The following SCOC variants were observed in gnomAD, a reference collection of about 807,000 sequenced individuals.
The protein encoded by SCOC is short coiled coil protein.
A neutral mutation model predicts 9.9 loss-of-function variants in SCOC; 7 were observed. The observed-to-expected ratio is 0.71, with a 90% CI of 0.40 to 1.33. The LOEUF (loss-of-function observed/expected upper bound fraction) is 1.33. SCOC is among the 40% of genes most tolerant of loss of function. The pLI is 0.01. For missense variants in SCOC, 66 were observed against 89.7 expected (o/e 0.74, Z 1.07); for synonymous variants, 19 against 28.2 (o/e 0.67, Z 1.03).
At position 140,330,855 on chromosome 4, in the gene SCOC, T is replaced by C. The variant is rs191114289; in HGVS notation, c.-18-12766T>C. Among the ~76,000 whole-genome samples, 10 of 152,348 alleles carry C rather than the reference T, an allele frequency of 6.6e-5. No homozygotes were observed. In the East Asian group the frequency reaches 1.9e-3, roughly 29 times the overall value. Reference sequence around the variant, plus strand: ...AGTTGAGTGCTGGCAGTTCTCTTCATTAATACAAGAATTTAATAGATAAAT... The same window carrying C: ...AGTTGAGTGCTGGCAGTTCTCTTCACTAATACAAGAATTTAATAGATAAAT... On this transcript the variant is annotated intron_variant, in intron 1 of 4. Transcript: ENST00000394205.
intron 1 of SCOC, among the ~76,000 whole-genome samples, chr4:140,280,863 T>C (rs1380543836): frequency 6.6e-6 from 1 of 152,128 alleles, no homozygotes; most frequent in Admixed American, 6.5e-5. Flanking sequence ...ACCCCTCACA[T>C]GGATGTGGAG....
chr4:140,307,053 A>G (rs964928680), intron 1 of SCOC, among the ~76,000 whole-genome samples: 4 of 152,122 alleles, frequency 2.6e-5, no homozygotes, highest in African/African-American at 7.2e-5. Flanking sequence ...CTCTTATACA[A>G]GAGGCCCAAG....
chr4:140,318,163 G>A lies in SCOC; in HGVS notation c.-18-25458G>A, dbSNP rs574583939. On this transcript the variant is annotated intron_variant, in intron 1 of 4. Transcript: ENST00000394205. ...CTAGGCATTACCATTCAGGACATAG[G>A]CGTGGGCAAGGACTTCATGTCCAAA... Among the ~76,000 whole-genome samples, 558 of 149,136 alleles carry A rather than the reference G, an allele frequency of 3.7e-3. 1 individual carries two copies. Among genetic ancestry groups the A allele is most frequent in the Non-Finnish European group, 6.0e-3 (403 of 67,364 alleles).
chr4:140,366,062 G>A (rs1448812800), intron 2 of SCOC, among the ~76,000 whole-genome samples: 1 of 152,134 alleles, frequency 6.6e-6, no homozygotes, highest in Non-Finnish European at 1.5e-5. Flanking sequence ...ATCATAAATG[G>A]TTACCAGGGA....
intron 1 of SCOC, among the ~76,000 whole-genome samples, chr4:140,259,493 T>C (rs1473917580): frequency 6.6e-6 from 1 of 152,202 alleles, no homozygotes; most frequent in Non-Finnish European, 1.5e-5. Flanking sequence ...CATGGTGGCT[T>C]GCACCTGTAA....
chr4:140,304,156 G>A (rs552305505), intron 1 of SCOC, among the ~76,000 whole-genome samples: 24 of 152,286 alleles, frequency 1.6e-4, no homozygotes, highest in Non-Finnish European at 3.4e-4. Flanking sequence ...CAGAAAGAGA[G>A]TGATAGTTCA....
At chr4:140,378,320 G>A (rs559169910) in intron 1 of SCOC, among the ~76,000 whole-genome samples, 27 of 151,874 alleles carry the variant, frequency 1.8e-4, no homozygotes, top group Non-Finnish European at 3.2e-4. Flanking sequence ...CATCCATACC[G>A]TCATCCTTAA....
At chr4:140,379,477 T>C in intron 2 of SCOC, 92 bp from the exon 3 acceptor site, 1 of 919,258 alleles carries the variant, frequency 1.1e-6, no homozygotes, top group Non-Finnish European at 1.7e-6. Context: ...CAAGTAAGAA[T>C]GAATATAAAA....
intron 1 of SCOC, among the ~76,000 whole-genome samples, chr4:140,263,803 G>A (rs539992305): frequency 3.9e-5 from 6 of 152,262 alleles, no homozygotes; most frequent in South Asian, 2.1e-4. Flanking sequence ...ACCGAGCTCC[G>A]AGGACACTTT....
At chr4:140,336,681 A>G (rs1301407285) in intron 1 of SCOC, among the ~76,000 whole-genome samples, 1 of 152,172 alleles carries the variant, frequency 6.6e-6, no homozygotes, top group African/African-American at 2.4e-5. Flanking sequence ...TAATGCTGCT[A>G]TAAATCTTCA....
intron 1 of SCOC, 84 bp from the exon 2 acceptor site, chr4:140,379,037 G>A: frequency 1.2e-6 from 1 of 846,650 alleles, no homozygotes; most frequent in East Asian, 2.4e-5. Flanking sequence ...CTATGTCATA[G>A]TTAACAAAAT....
At chr4:140,284,668 T>C (rs1731178402) in intron 1 of SCOC, 1 of 151,354 alleles carries the variant, frequency 6.6e-6, no homozygotes, top group African/African-American at 2.4e-5. Context: ...GGGAAGAACT[T>C]AGATCAGATG....
At chr4:140,377,173 C>G (rs1427156628) in intron 1 of SCOC, among the ~76,000 whole-genome samples, 1 of 152,208 alleles carries the variant, frequency 6.6e-6, no homozygotes, top group Non-Finnish European at 1.5e-5. Flanking sequence ...AAGAGAATGA[C>G]TGTAGTACCT....
intron 1 of SCOC, among the ~76,000 whole-genome samples, chr4:140,290,655 A>G (rs1161980213): frequency 6.6e-6 from 1 of 152,210 alleles, no homozygotes; most frequent in African/African-American, 2.4e-5. Context: ...TCTACTAAAA[A>G]TACAAAAATT....
intron 1 of SCOC, chr4:140,284,772 A>C (rs1409049568): frequency 1.2e-5 from 1 of 84,130 alleles, no homozygotes; most frequent in East Asian, 4.9e-4. Context: ...ATTTCTTTCA[A>C]AAAAAAAAAA....
chr4:140,332,401 T>C (rs142267526), intron 1 of SCOC, among the ~76,000 whole-genome samples: 1,501 of 140,182 alleles, frequency 0.011, 40 homozygotes, highest in African/African-American at 0.037. Context: ...AGACGGAGTA[T>C]TGCTCTGTCA....
intron 1 of SCOC, among the ~76,000 whole-genome samples, chr4:140,308,951 G>A (rs76194627): frequency 6.6e-6 from 1 of 152,186 alleles, no homozygotes; most frequent in Admixed American, 6.5e-5. Context: ...CACAGCCCCA[G>A]TGTTTTTGCT....
chr4:140,376,006 T>G (rs1020257533), intron 1 of SCOC, among the ~76,000 whole-genome samples: 2 of 152,052 alleles, frequency 1.3e-5, no homozygotes, highest in African/African-American at 4.8e-5. Context: ...GCAGAAGGAG[T>G]TGAAAGTGAA....
rs956423821 is a variant in SCOC, at chr4:140,308,581, C to T, written c.-18-35040C>T. Among the ~76,000 whole-genome samples the T allele has an allele frequency of 1.3e-4, 20 of 152,224 alleles. No individual in the cohort carries two copies. The East Asian group carries it at 1.7e-3, about 13-fold the overall frequency. ...CTAAGATTTTCTGGCTCTGGGAGCC[C>T]GTGTGTCGATTCTTGGAGGTTGAGA... On this transcript the variant is annotated intron_variant, in intron 1 of 4. Coordinates refer to the SCOC transcript ENST00000394205.
Sources: allele counts gnomAD v4.1 joint callset (sites outside exome capture counted in the v4.1 genomes callset), GRCh38; gene constraint gnomAD v4.1.1; transcripts MANE v1.5; gene names NCBI Gene and HGNC (gene_info 2026-07-23, HGNC 2026-07-21).